Variants in TNFRSF10B observed in about 807,000 individuals in gnomAD.
The protein encoded by TNFRSF10B is tumor necrosis factor receptor superfamily member 10B.
A neutral mutation model predicts 41.4 loss-of-function variants in TNFRSF10B; 35 were observed. The ratio of observed to expected loss-of-function variants is 0.85; its 90% CI spans 0.65 to 1.12. The LOEUF (loss-of-function observed/expected upper bound fraction) is 1.12, where lower values mean the gene tolerates loss of function less well. Among genes scored for constraint, TNFRSF10B ranks in the 50% most tolerant of loss-of-function variants. The pLI is 0.00. For synonymous variants in TNFRSF10B, 230 were observed against 215.5 expected, an observed-to-expected ratio of 1.07 and a Z score of -0.59; for missense variants, 584 against 552.7, an observed-to-expected ratio of 1.06 and a Z score of -0.57.
intron 1 of TNFRSF10B, among the ~76,000 whole-genome samples, chr8:23,057,519 G>T (rs141798561): frequency 6.9e-6 from 1 of 145,424 alleles, no homozygotes; most frequent in Admixed American, 7.1e-5. Context: ...TGCAACCTCC[G>T]CCTCCTGGGT....
chr8:23,039,323 A>G (rs920412277), intron 2 of TNFRSF10B, among the ~76,000 whole-genome samples: 1 of 151,990 alleles, frequency 6.6e-6, no homozygotes, highest in East Asian at 1.9e-4. Flanking sequence ...CTAGAGAGAT[A>G]AAGATTTATC....
At chr8:23,023,639 A>G (rs1287411988) in intron 8 of TNFRSF10B, among the ~76,000 whole-genome samples, 2 of 152,322 alleles carry the variant, frequency 1.3e-5, no homozygotes, top group South Asian at 2.1e-4. Context: ...ATGTTTTCCA[A>G]CAGCCTTATT....
chr8:23,067,455 A>AC (rs370124436), intron 1 of TNFRSF10B, among the ~76,000 whole-genome samples: 1 of 151,654 alleles, frequency 6.6e-6, no homozygotes, highest in African/African-American at 2.4e-5. Flanking sequence ...TAAAAAAAAA[A>AC]CCCCACAACA....
rs1401927524 is a variant in TNFRSF10B, at chr8:23,022,577, A to G, written c.*94T>C. On this transcript the variant is annotated 3_prime_UTR_variant, in exon 9 of 9. Transcript: ENST00000276431. The stretch of plus-strand genomic sequence containing the variant: ...TTCTTCCAGTACCGGTCATGTGACA[A>G]TTGTGGCACTTTCCTACTGACTGGA... 1 of 1,365,458 alleles carries G rather than the reference A, an allele frequency of 7.3e-7. No individual in the cohort carries two copies. Among genetic ancestry groups the G allele is most frequent in the African/African-American group, 1.4e-5 (1 of 70,084 alleles). The allele number at this position is 1,365,458 out of a possible 1,614,324, so 84.6% of individuals were successfully genotyped here.
intron 2 of TNFRSF10B, among the ~76,000 whole-genome samples, chr8:23,033,313 G>A (rs532308108): frequency 1.9e-3 from 293 of 152,182 alleles, no homozygotes; most frequent in African/African-American, 6.7e-3. Context: ...GGCCGGGTGC[G>A]GTGGCTCACG....
intron 1 of TNFRSF10B, among the ~76,000 whole-genome samples, chr8:23,043,973 C>T (rs538151504): frequency 6.6e-6 from 1 of 152,214 alleles, no homozygotes; most frequent in East Asian, 1.9e-4. Flanking sequence ...GAGCCACCAT[C>T]ACATATGCAG....
intron 3 of TNFRSF10B, among the ~76,000 whole-genome samples, chr8:23,030,196 C>A (rs1024966985): frequency 6.6e-6 from 1 of 152,220 alleles, no homozygotes; most frequent in African/African-American, 2.4e-5. Flanking sequence ...TGTGCCACTG[C>A]TGAGATCCAG....
chr8:23,061,929 T>C (rs1322572452), intron 1 of TNFRSF10B, among the ~76,000 whole-genome samples: 1 of 152,238 alleles, frequency 6.6e-6, no homozygotes, highest in African/African-American at 2.4e-5. Flanking sequence ...ACTGTTGAAT[T>C]CTCTCTGATA....
At chr8:23,034,307 A>T (rs542164922) in intron 2 of TNFRSF10B, among the ~76,000 whole-genome samples, 1 of 152,344 alleles carries the variant, frequency 6.6e-6, no homozygotes, top group East Asian at 1.9e-4. Flanking sequence ...TAATTGGAAT[A>T]GACATACTCA....
chr8:23,041,029 T>C (rs148852691), intron 2 of TNFRSF10B, among the ~76,000 whole-genome samples: 2 of 151,278 alleles, frequency 1.3e-5, no homozygotes, highest in East Asian at 1.9e-4. Context: ...AACCACAAAA[T>C]GACTGCAAAG....
At chr8:23,055,079 T>A (rs1013920465) in intron 1 of TNFRSF10B, among the ~76,000 whole-genome samples, 5 of 152,232 alleles carry the variant, frequency 3.3e-5, no homozygotes, top group Non-Finnish European at 7.3e-5. Flanking sequence ...TTGGATTAAA[T>A]TCTAATTTTT....
At chr8:23,032,127 G>A (rs1811902326) in intron 2 of TNFRSF10B, among the ~76,000 whole-genome samples, 4 of 152,018 alleles carry the variant, frequency 2.6e-5, no homozygotes, top group Admixed American at 6.6e-5. Context: ...GGCTGTTCTC[G>A]AACTCCAGAC....
intron 1 of TNFRSF10B, among the ~76,000 whole-genome samples, chr8:23,052,538 A>G (rs368785471): frequency 8.5e-5 from 13 of 152,060 alleles, no homozygotes; most frequent in African/African-American, 1.9e-4. Flanking sequence ...CGCCCGCCTC[A>G]GCCTCCCAAA....
In TNFRSF10B at chr8:23,043,203, GC is replaced by G; in HGVS notation, c.184del (p.Ala62LeufsTer65). 1 of 1,614,138 alleles carries G rather than the reference GC, an allele frequency of 6.2e-7. No individual in the cohort carries two copies. Among genetic ancestry groups the G allele is most frequent in the South Asian group, 1.1e-5 (1 of 91,070 alleles). Reference protein sequence around the residue: ...ESALITQQDLAPQQRAAPQQK... With the variant: ...ESALITQQDLXPQQRAAPQQK... The stretch of plus-strand genomic sequence containing the variant: ...TTGTGGGGCCGCTCTCTGCTGGGGA[GC>G]TAGGTCTTGTTGGGTGATCAGAGCA... On this transcript the variant is annotated frameshift_variant, in exon 2 of 9. Coordinates refer to ENST00000276431, the MANE Select transcript of TNFRSF10B (RefSeq NM_003842.5). LOFTEE classifies it high-confidence loss of function.
At chr8:23,059,667 G>A (rs1812770091) in intron 1 of TNFRSF10B, among the ~76,000 whole-genome samples, 2 of 137,536 alleles carry the variant, frequency 1.5e-5, no homozygotes, top group South Asian at 2.4e-4. Flanking sequence ...CCACCACGCC[G>A]GGCTAATTTT....
At chr8:23,030,382 G>A (rs572289031) in intron 3 of TNFRSF10B, among the ~76,000 whole-genome samples, 81 of 152,164 alleles carry the variant, frequency 5.3e-4, no homozygotes, top group Admixed American at 1.8e-3. Context: ...GCACAATCTC[G>A]GCTCCCTGCA....
chr8:23,020,227 A>C lies in TNFRSF10B; in HGVS notation c.*2444T>G. ...TGCTTCCTTGTTTGTATTATAACAC[A>C]TTTCAAATAGGGACCTTTGACAGGG... On this transcript the variant is annotated 3_prime_UTR_variant, in exon 9 of 9. Coordinates refer to ENST00000276431, the MANE Select transcript of TNFRSF10B (RefSeq NM_003842.5). 2.2e-6 allele frequency: 1 copy of C among 453,218 alleles called. No individual in the cohort carries two copies. Among genetic ancestry groups the C allele is most frequent in the Non-Finnish European group, 4.4e-6 (1 of 225,950 alleles). 28.1% of individuals were successfully genotyped at this position (453,218 alleles called of 1,614,324 possible). A position where few individuals can be genotyped will look rare whatever the true frequency, so the allele number is the denominator to read the frequency against.
Position 23,021,833 on chromosome 8 carries a change from A to ACTT in TNFRSF10B, c.*835_*837dup, listed in dbSNP as rs1460632720. The ACTT allele has an allele frequency of 4.4e-6, 2 of 454,112 alleles. No homozygotes were observed. The highest frequency in any genetic ancestry group is 3.1e-5 in the South Asian group (2 of 64,474). The allele number at this position is 454,112 out of a possible 1,614,324, so 28.1% of individuals were successfully genotyped here. A position where few individuals can be genotyped will look rare whatever the true frequency, so the allele number is the denominator to read the frequency against. On this transcript the variant is annotated 3_prime_UTR_variant, in exon 9 of 9. Transcript: ENST00000276431. ...CCCAGACAGTGACATCTTACAGGGG[A>ACTT]CTTCTTCTTCTTCCCCCATTGTATG...
chr8:23,061,217 GCT>G (rs970825382), intron 1 of TNFRSF10B, among the ~76,000 whole-genome samples: 1 of 152,088 alleles, frequency 6.6e-6, no homozygotes, highest in Non-Finnish European at 1.5e-5. Context: ...AGCTTAAACA[GCT>G]CTGATTGCCT....
Sources: allele counts gnomAD v4.1 joint callset (sites outside exome capture counted in the v4.1 genomes callset), GRCh38; gene constraint gnomAD v4.1.1; transcripts MANE v1.5; gene names NCBI Gene and HGNC (gene_info 2026-07-23, HGNC 2026-07-21).